HAVCR1: variants seen among roughly 807,000 people sequenced by gnomAD.
The protein encoded by HAVCR1 is hepatitis A virus cellular receptor 1, also known as T cell immunoglobin domain and mucin domain protein 1.
A neutral mutation model predicts 32.0 loss-of-function variants in HAVCR1; 34 were observed. That is an observed-to-expected ratio of 1.06 (90% confidence interval 0.81 to 1.42). The LOEUF (loss-of-function observed/expected upper bound fraction) is 1.42. Among genes scored for constraint, HAVCR1 ranks in the 40% most tolerant of loss-of-function variants. The pLI, the probability that HAVCR1 is intolerant of heterozygous loss-of-function variation, is 0.00. For missense variants in HAVCR1, 420 were observed against 442.3 expected (o/e 0.95, Z 0.45); for synonymous variants, 178 against 170.3 (o/e 1.05, Z -0.35).
chr5:157,037,342 C>G lies in HAVCR1; in HGVS notation c.857G>C (p.Ser286Thr). ...NNQTQLFLEH[S>T]LLTANTTKGI... ...TTTAGTGGTATTGGCCGTCAGTAGA[C>G]TATGTTCTAGGAACAGTTGCTGAGG... Residue 286 changes from serine (S) to threonine (T), a missense_variant, in exon 7 of 9, where the codon AGT becomes ACT. Transcript: ENST00000523175. 1 of 1,545,430 alleles carries G rather than the reference C, an allele frequency of 6.5e-7. No individual in the cohort carries two copies. The highest frequency in any genetic ancestry group is 8.9e-7 in the Non-Finnish European group (1 of 1,117,492).
chr5:157,055,668 C>A, intron 2 of HAVCR1, 135 bp from the exon 3 acceptor site: 1 of 546,768 alleles, frequency 1.8e-6, no homozygotes. Context: ...GAGTTCAAGA[C>A]CAGCCTAGCC....
At chr5:157,052,242 G>A (rs1416358300) in intron 4 of HAVCR1, 119 bp downstream of exon 4, 10 of 854,870 alleles carry the variant, frequency 1.2e-5, no homozygotes, top group African/African-American at 1.7e-5. Flanking sequence ...AGGAGACCCT[G>A]ATTGAAACCC....
At chr5:157,049,619 G>T (rs1265465713) in intron 4 of HAVCR1, among the ~76,000 whole-genome samples, 1 of 152,124 alleles carries the variant, frequency 6.6e-6, no homozygotes, top group Admixed American at 6.5e-5. Flanking sequence ...CCCCATTCTG[G>T]GTTTCCTGGC....
At chr5:157,031,547 G>A (rs1264007131) in intron 8 of HAVCR1, among the ~76,000 whole-genome samples, 1 of 152,182 alleles carries the variant, frequency 6.6e-6, no homozygotes, top group African/African-American at 2.4e-5. Flanking sequence ...CCTGGGGCCA[G>A]GTGCGGTCCC....
intron 2 of HAVCR1, among the ~76,000 whole-genome samples, chr5:157,057,031 A>G (rs780487399): frequency 1.4e-4 from 21 of 151,756 alleles, no homozygotes; most frequent in Non-Finnish European, 2.6e-4. Context: ...AGATTGCCCA[A>G]CTAGGCCAGG....
chr5:157,044,508 G>GAAAGAAAGAAAGAAAGAAAGAA, intron 5 of HAVCR1, among the ~76,000 whole-genome samples: 1 of 112,846 alleles, frequency 8.9e-6, no homozygotes, highest in African/African-American at 3.7e-5. Context: ...AGGAAGGAAG[G>GAAAGAAAGAAAGAAAGAAAGAA]AGGAAGGAAG....
intron 2 of HAVCR1, among the ~76,000 whole-genome samples, chr5:157,057,458 AGAAAGAGAATTG>A (rs1756277215): frequency 7.4e-6 from 1 of 135,442 alleles, no homozygotes; most frequent in African/African-American, 2.7e-5. Context: ...AAAGAAAGAA[AGAAAGAGAATTG>A]AATGTGGCTG....
intron 6 of HAVCR1, among the ~76,000 whole-genome samples, chr5:157,041,332 T>C (rs35153980): frequency 6.6e-6 from 1 of 152,006 alleles, no homozygotes; most frequent in African/African-American, 2.4e-5. Flanking sequence ...ACCTCATCTC[T>C]ACTAAAAACA....
chr5:157,044,418 AAGGAG>A (rs1561589810), intron 5 of HAVCR1, among the ~76,000 whole-genome samples: 6 of 43,098 alleles, frequency 1.4e-4, no homozygotes, highest in African/African-American at 3.6e-4. Context: ...GGAAGGAAGG[AAGGAG>A]AAAGAAAGAA....
chr5:157,042,575 A>G, intron 6 of HAVCR1, 52 bp downstream of exon 6: 1 of 1,090,714 alleles, frequency 9.2e-7, no homozygotes, highest in Non-Finnish European at 1.4e-6. Flanking sequence ...ACTTGCTTCC[A>G]AGGAGATATA....
At chr5:157,067,768 A>C in the HAVCR1 span, among the ~76,000 whole-genome samples, 1 of 152,122 alleles carries the variant, frequency 6.6e-6, no homozygotes, top group South Asian at 2.1e-4. Context: ...GGCCCACTGC[A>C]ACCTCCGCCT....
chr5:157,065,283 C>A, the HAVCR1 span, among the ~76,000 whole-genome samples: 3 of 148,952 alleles, frequency 2.0e-5, no homozygotes, highest in Admixed American at 1.4e-4. Context: ...CGCGCCACTG[C>A]GCGACAGAGC....
chr5:157,031,494 A>T (rs924792517), intron 8 of HAVCR1, among the ~76,000 whole-genome samples: 15 of 152,138 alleles, frequency 9.9e-5, no homozygotes, highest in African/African-American at 3.1e-4. Flanking sequence ...AGTGTGGCAG[A>T]TGGCCTTGGG....
upstream of HAVCR1, among the ~76,000 whole-genome samples, chr5:157,062,696 C>T (rs1418377009): frequency 6.6e-6 from 1 of 152,164 alleles, no homozygotes; most frequent in Non-Finnish European, 1.5e-5. Flanking sequence ...CTGCCCTGCC[C>T]ACTGCCCTAA....
intron 8 of HAVCR1, among the ~76,000 whole-genome samples, chr5:157,032,447 G>A (rs923768715): frequency 5.3e-5 from 8 of 152,234 alleles, no homozygotes; most frequent in South Asian, 2.1e-4. Context: ...GAACCCAGGA[G>A]GTGGAGGTTG....
At chr5:157,053,528 A>G (rs1253238396) in intron 3 of HAVCR1, among the ~76,000 whole-genome samples, 2 of 151,884 alleles carry the variant, frequency 1.3e-5, no homozygotes, top group African/African-American at 4.8e-5. Flanking sequence ...GGTCGTAGGT[A>G]TTGGGTTCTA....
chr5:157,063,495 G>A (rs989180547), upstream of HAVCR1, among the ~76,000 whole-genome samples: 2 of 151,986 alleles, frequency 1.3e-5, no homozygotes, highest in African/African-American at 2.4e-5. Flanking sequence ...ATGTTGGTTA[G>A]GCTGGTCACG....
At chr5:157,044,833 C>T (rs942503700) in intron 5 of HAVCR1, among the ~76,000 whole-genome samples, 54 of 46,940 alleles carry the variant, frequency 1.2e-3, no homozygotes, top group South Asian at 2.8e-3. Context: ...AAAAACAGCA[C>T]GGACCGGAGT....
At chr5:157,052,321 C>T in intron 4 of HAVCR1, 40 bp downstream of exon 4, 1 of 1,584,350 alleles carries the variant, frequency 6.3e-7, no homozygotes, top group Non-Finnish European at 8.7e-7. Flanking sequence ...CGCAGCTCCT[C>T]ATTAGAAGGC....
Sources: gnomAD v4.1 joint callset for allele counts (sites outside exome capture counted in the v4.1 genomes callset) on GRCh38, gnomAD v4.1.1 for gene constraint, MANE v1.5 for transcripts, NCBI Gene and HGNC (gene_info 2026-07-23, HGNC 2026-07-21) for gene names.